BEGAIN: variants seen among roughly 807,000 people sequenced by gnomAD.
BEGAIN encodes brain enriched guanylate kinase associated.
Under a neutral mutation model 35.8 loss-of-function variants are expected in BEGAIN, and 19 were observed. The ratio of observed to expected loss-of-function variants is 0.53; its 90% CI spans 0.37 to 0.78. The LOEUF is 0.78. BEGAIN is among the 30% of genes least tolerant of loss of function. The pLI is 0.00. For missense variants in BEGAIN, 795 were observed against 853.6 expected (o/e 0.93, Z 0.85); for synonymous variants, 462 against 388.6 (o/e 1.19, Z -2.22).
Position 100,538,571 on chromosome 14 carries a change from G to A in BEGAIN, c.1237C>T (p.Pro413Ser). ...ASPGPQQALM[P>S]PNLWSLRAKP... ...GCCCGCAGGCTCCACAGGTTTGGGG[G>A]CATCAGGGCCTGCTGGGGACCCGGA... is the stretch of plus-strand genomic sequence containing the variant. The change falls in exon 7 of 7, where the codon CCC becomes TCC. Residue 413 changes from proline (P) to serine (S), a missense_variant. Around this residue, in one of 3 missense-constraint regions of BEGAIN, gnomAD observed 664 missense variants for 647.7 expected, o/e 1.03. Coordinates refer to ENST00000554140, the MANE Select transcript of BEGAIN (RefSeq NM_001385089.1). 1 of 1,544,664 alleles carries A rather than the reference G, an allele frequency of 6.5e-7. No individual in the cohort carries two copies.
chr14:100,560,820 C>T (rs73352942), intron 2 of BEGAIN, among the ~76,000 whole-genome samples: 6,938 of 152,290 alleles, frequency 0.046, 516 homozygotes, highest in African/African-American at 0.15. Context: ...TCCCGTCTCA[C>T]GTCCTGCAAC....
rs117983944 is a variant in BEGAIN, at chr14:100,559,190, G to A, written c.71+8721C>T. ...CAGTGGGGCTGTCTCCGAGAGCCAA[G>A]GGGAGCTGCGCGGTGGGCCCAGGAG... On this transcript the variant is annotated intron_variant, in intron 2 of 6. Transcript: ENST00000554140. 2.1e-3 allele frequency among the ~76,000 whole-genome samples: 325 copies of A among 152,238 alleles called. 7 individuals carry two copies. In the East Asian group the frequency reaches 0.034, roughly 16 times the overall value.
rs530174214 is a variant in BEGAIN at position 100,539,146 on chromosome 14, G to A, written c.662C>T (p.Ala221Val). 7 of 1,601,846 alleles carry A rather than the reference G, an allele frequency of 4.4e-6. No homozygotes were observed. The highest frequency in any genetic ancestry group is 2.6e-6 in the Non-Finnish European group (3 of 1,172,176). Residue 221 changes from alanine to valine, a missense_variant, in exon 7 of 7, where the codon GCC becomes GTC. Around this residue, in one of 3 missense-constraint regions of BEGAIN, gnomAD observed 664 missense variants for 647.7 expected, o/e 1.03. Coordinates refer to ENST00000554140, the MANE Select transcript of BEGAIN (RefSeq NM_001385089.1). ...GCAGAAGGCCAGGTCGCGGGCGGAG[G>A]CATCGGACAGGCGGGAGGACAGGCT... ...PASLSSRLSDASARDLAFCDG... is the reference protein window; with the variant it reads ...PASLSSRLSDVSARDLAFCDG...
At chr14:100,576,615 C>T (rs752802230) in intron 1 of BEGAIN, among the ~76,000 whole-genome samples, 10 of 152,110 alleles carry the variant, frequency 6.6e-5, no homozygotes, top group South Asian at 2.1e-4. Flanking sequence ...AACTGGGGCA[C>T]GAGCAACATC....
chr14:100,567,822 C>T lies in BEGAIN; in HGVS notation c.71+89G>A. The T allele has an allele frequency of 2.2e-6, 3 of 1,340,490 alleles. No individual in the cohort carries two copies. Among genetic ancestry groups the T allele is most frequent in the Non-Finnish European group, 3.0e-6 (3 of 1,012,378 alleles). 83.0% of individuals were successfully genotyped at this position (1,340,490 alleles called of 1,614,324 possible). The stretch of plus-strand genomic sequence containing the variant: ...GCCCGCGGGCCCTGGGGGATGCGCT[C>T]GGGTGGAGCCCCCTTCCCCCGCCTT... On this transcript the variant is annotated intron_variant, in intron 2 of 6. Transcript: ENST00000554140. The surrounding 1 kb of genome is among the most constrained non-coding windows in gnomAD (Gnocchi z 5.1).
intron 5 of BEGAIN, among the ~76,000 whole-genome samples, chr14:100,543,380 C>T (rs1484153468): frequency 1.3e-5 from 2 of 150,068 alleles, no homozygotes; most frequent in Admixed American, 1.3e-4. Flanking sequence ...GAAGCTAATT[C>T]GTGAATGCAG....
At chr14:100,564,220 AAACTT>A (rs1189282906) in intron 2 of BEGAIN, among the ~76,000 whole-genome samples, 3 of 152,056 alleles carry the variant, frequency 2.0e-5, no homozygotes, top group Admixed American at 2.0e-4. Flanking sequence ...TGGTCGTTCT[AAACTT>A]AACCACTGAA....
rs956130958 is a variant in BEGAIN at position 100,558,829 on chromosome 14, C to T, written c.71+9082G>A. On this transcript the variant is annotated intron_variant, in intron 2 of 6. Transcript: ENST00000554140. This position sits in a 1 kb window ranked among gnomAD's most constrained non-coding sequence, Gnocchi z 4.6. ...GCCCCATGGCAGTCTCAGCTACTCTCATCTGCTCTCAGCCCGAGACCTCCT... is the reference window on the plus strand; with the variant it reads ...GCCCCATGGCAGTCTCAGCTACTCTTATCTGCTCTCAGCCCGAGACCTCCT... Among the ~76,000 whole-genome samples the T allele has an allele frequency of 1.3e-5, 2 of 152,220 alleles. No homozygotes were observed. Among genetic ancestry groups the T allele is most frequent in the Non-Finnish European group, 2.9e-5 (2 of 68,036 alleles).
At position 100,538,001 on chromosome 14, in the gene BEGAIN, T is replaced by C; in HGVS notation, c.1807A>G (p.Lys603Glu). Residue 603 changes from lysine to glutamate, a missense_variant, in exon 7 of 7, where the codon AAG becomes GAG. Transcript: ENST00000554140. The stretch of plus-strand genomic sequence containing the variant: ...AGCAAGGTTCCGTAGAGCTGGGCCT[T>C]GGTGAGGCTGTCCTTGCGGCTCAGC... ...SGLSRKDSLT[K>E]AQLYGTLLN 1 of 1,609,462 alleles carries C rather than the reference T, an allele frequency of 6.2e-7. No homozygotes were observed. The highest frequency in any genetic ancestry group is 8.5e-7 in the Non-Finnish European group (1 of 1,178,872).
Position 100,573,351 on chromosome 14 carries a change from G to A in BEGAIN, c.43-5412C>T, listed in dbSNP as rs956697423. ...GTCCTGGGAGGTCGCTAGAGGAGCA[G>A]CCCTGCGGCTGTGCCTGGTGAGTTG... On this transcript the variant is annotated intron_variant, in intron 1 of 6. Transcript: ENST00000554140. The surrounding 1 kb of genome is among the most constrained non-coding windows in gnomAD (Gnocchi z 4.2). Among the ~76,000 whole-genome samples, 3 of 152,084 alleles carry A rather than the reference G, an allele frequency of 2.0e-5. No homozygotes were observed. The highest frequency in any genetic ancestry group is 4.1e-4 in the South Asian group (2 of 4,822).
chr14:100,574,037 G>A (rs777882822), intron 1 of BEGAIN, among the ~76,000 whole-genome samples: 3 of 152,108 alleles, frequency 2.0e-5, no homozygotes, highest in African/African-American at 7.2e-5. Flanking sequence ...GGTGTCATGC[G>A]CTGACCCACA....
intron 2 of BEGAIN, among the ~76,000 whole-genome samples, chr14:100,555,415 ACT>A (rs1485348493): frequency 6.6e-6 from 1 of 151,748 alleles, no homozygotes; most frequent in African/African-American, 2.4e-5. Flanking sequence ...TGCTGCGCTG[ACT>A]CTGTCCTTTG....
chr14:100,538,725 G>A lies in BEGAIN; in HGVS notation c.1083C>T (p.Thr361=). ...TGGCAAAGCGAGGGCTGCCCTCGTA[G>A]GTGGTGGCGGGTGGCTTGCGGTCGA... ...ELFDRKPPAT[T]YEGSPRFAKA... The change falls in exon 7 of 7, where the codon ACC becomes ACT. Residue 361 remains threonine (T), a synonymous_variant. Transcript: ENST00000554140. 6.4e-7 allele frequency: 1 copy of A among 1,567,516 alleles called. No homozygotes were observed. Among genetic ancestry groups the A allele is most frequent in the Middle Eastern group, 1.7e-4 (1 of 6,008 alleles).
intron 2 of BEGAIN, chr14:100,547,153 G>C (rs577782612): frequency 6.5e-6 from 1 of 152,806 alleles, no homozygotes; most frequent in African/African-American, 2.4e-5. Flanking sequence ...CCATGCCCAA[G>C]ACCAGACCTG....
intron 1 of BEGAIN, among the ~76,000 whole-genome samples, chr14:100,571,445 G>A (rs549530661): frequency 6.6e-6 from 1 of 152,222 alleles, no homozygotes; most frequent in Admixed American, 6.5e-5. Flanking sequence ...TTCCTCTGCT[G>A]CTGTGTCCCC....
intron 1 of BEGAIN, among the ~76,000 whole-genome samples, chr14:100,576,266 C>T (rs988247874): frequency 6.6e-6 from 1 of 152,160 alleles, no homozygotes; most frequent in Non-Finnish European, 1.5e-5. Context: ...ACAGAGCAGG[C>T]CACCTGAGGG....
At chr14:100,578,829 C>T (rs1006709083) in intron 1 of BEGAIN, among the ~76,000 whole-genome samples, 5 of 151,674 alleles carry the variant, frequency 3.3e-5, no homozygotes, top group Non-Finnish European at 7.4e-5. Flanking sequence ...CATCATCACA[C>T]CAGCCTTGCA....
intron 1 of BEGAIN, among the ~76,000 whole-genome samples, chr14:100,581,566 C>T (rs1161496207): frequency 6.6e-6 from 1 of 152,208 alleles, no homozygotes; most frequent in Non-Finnish European, 1.5e-5. Context: ...TGCGTCATCA[C>T]CCCAAATCCC....
At chr14:100,545,423 G>A (rs2032238583) in intron 3 of BEGAIN, 3 of 1,088,290 alleles carry the variant, frequency 2.8e-6, no homozygotes, top group Non-Finnish European at 3.4e-6. Context: ...CTGTTATGGG[G>A]TTGACAGTTC....
Sources: gnomAD v4.1 joint callset for allele counts (sites outside exome capture counted in the v4.1 genomes callset) on GRCh38, gnomAD v4.1.1 for gene constraint, gnomAD v4.1.1 regional missense constraint, Gnocchi (gnomAD v3.1) non-coding constraint, MANE v1.5 for transcripts, NCBI Gene and HGNC (gene_info 2026-07-23, HGNC 2026-07-21) for gene names.